CPPED1: variants seen among roughly 807,000 people sequenced by gnomAD.
The protein encoded by CPPED1 is serine/threonine-protein phosphatase CPPED1.
In CPPED1, 28 loss-of-function variants were observed where a neutral mutation model predicts 28.0. That is an observed-to-expected ratio of 1.00 (90% confidence interval 0.74 to 1.37). CPPED1 has a LOEUF of 1.37. Among genes scored for constraint, CPPED1 ranks in the 40% most tolerant of loss-of-function variants. The pLI is 0.00. For synonymous variants in CPPED1, 198 were observed against 180.2 expected (o/e 1.10, Z -0.79); for missense variants, 504 against 416.5 (o/e 1.21, Z -1.83).
chr16:12,777,744 T>C (rs986683577), intron 2 of CPPED1, among the ~76,000 whole-genome samples: 1 of 152,152 alleles, frequency 6.6e-6, no homozygotes, highest in African/African-American at 2.4e-5. Context: ...CCTGGTCTCT[T>C]GTCTCCAATA....
At chr16:12,693,554 A>C (rs188923280) in intron 3 of CPPED1, among the ~76,000 whole-genome samples, 5 of 152,284 alleles carry the variant, frequency 3.3e-5, no homozygotes, top group Admixed American at 2.0e-4. Context: ...TTTTAAGTAA[A>C]ATTTAAAAGG....
At chr16:12,692,956 C>T (rs1175385780) in intron 3 of CPPED1, among the ~76,000 whole-genome samples, 1 of 152,194 alleles carries the variant, frequency 6.6e-6, no homozygotes, top group Non-Finnish European at 1.5e-5. Flanking sequence ...GGGAATAGTA[C>T]CCTCACCTGG....
intron 2 of CPPED1, among the ~76,000 whole-genome samples, chr16:12,712,567 T>C (rs1180020462): frequency 6.6e-6 from 1 of 152,106 alleles, no homozygotes; most frequent in Non-Finnish European, 1.5e-5. Context: ...AAGGAATAGA[T>C]AATATGTATA....
chr16:12,718,008 C>T (rs1477278508), intron 2 of CPPED1, among the ~76,000 whole-genome samples: 1 of 152,248 alleles, frequency 6.6e-6, no homozygotes, highest in East Asian at 1.9e-4. Flanking sequence ...TTAACCCAGT[C>T]TGACTCCAGA....
intron 2 of CPPED1, among the ~76,000 whole-genome samples, chr16:12,764,314 G>A (rs549646477): frequency 6.6e-5 from 10 of 151,604 alleles, no homozygotes; most frequent in African/African-American, 2.2e-4. Context: ...AGCGATTCTC[G>A]TGCCTCAGCC....
chr16:12,764,812 C>G (rs2080429995), intron 2 of CPPED1, among the ~76,000 whole-genome samples: 1 of 152,168 alleles, frequency 6.6e-6, no homozygotes, highest in African/African-American at 2.4e-5. Context: ...GCCTGTCTAG[C>G]CTGTAAGTGT....
chr16:12,681,819 G>A (rs2079906382), intron 3 of CPPED1, among the ~76,000 whole-genome samples: 4 of 152,242 alleles, frequency 2.6e-5, no homozygotes, highest in African/African-American at 7.2e-5. Flanking sequence ...TCCACCCACC[G>A]CATCTGCATC....
Position 12,704,612 on chromosome 16 carries a change from C to G in CPPED1, c.715+12G>C. On this transcript the variant is annotated intron_variant, in intron 3 of 3. Coordinates refer to ENST00000381774, the MANE Select transcript of CPPED1 (RefSeq NM_018340.3). Reference sequence around the variant, plus strand: ...TCCTTCCTCCCTGAAACCCGTGGCCCGGGGCCTCTACCTGCGTGGATGAAC... The same window carrying G: ...TCCTTCCTCCCTGAAACCCGTGGCCGGGGGCCTCTACCTGCGTGGATGAAC... 6.3e-7 allele frequency: 1 copy of G among 1,597,030 alleles called. No individual in the cohort carries two copies. The highest frequency in any genetic ancestry group is 8.6e-7 in the Non-Finnish European group (1 of 1,169,250).
At chr16:12,745,455 T>C (rs11641502) in intron 2 of CPPED1, among the ~76,000 whole-genome samples, 29,040 of 152,008 alleles carry the variant, frequency 0.19, 2,889 homozygotes, top group Middle Eastern at 0.22. Context: ...ATAAAGAAAA[T>C]GTGGTCCATA....
At chr16:12,695,669 T>C (rs2079986084) in intron 3 of CPPED1, among the ~76,000 whole-genome samples, 1 of 152,236 alleles carries the variant, frequency 6.6e-6, no homozygotes, top group Non-Finnish European at 1.5e-5. Context: ...TCTCCGGTTT[T>C]GGCCAATCAC....
In CPPED1 at chr16:12,682,477, C is replaced by T. The variant is rs1165091976; in HGVS notation, c.716-17362G>A. On this transcript the variant is annotated intron_variant, in intron 3 of 3. Transcript: ENST00000381774. The surrounding 1 kb of genome is among the most constrained non-coding windows in gnomAD (Gnocchi z 6.1). ...TACTAATATTTGGTTGTCAGAAAAG[C>T]AGTGGCAGCCTGGGGTGGGAGCTAG... Among the ~76,000 whole-genome samples the T allele has an allele frequency of 6.6e-6, 1 of 152,130 alleles. No homozygotes were observed. The highest frequency in any genetic ancestry group is 2.4e-5 in the African/African-American group (1 of 41,422).
intron 2 of CPPED1, among the ~76,000 whole-genome samples, chr16:12,707,302 G>A (rs139395346): frequency 2.0e-5 from 3 of 152,214 alleles, no homozygotes; most frequent in East Asian, 1.9e-4. Flanking sequence ...TTCAATCACT[G>A]ACAATACTTC....
At chr16:12,708,607 C>G (rs9972703) in intron 2 of CPPED1, among the ~76,000 whole-genome samples, 1 of 152,104 alleles carries the variant, frequency 6.6e-6, no homozygotes, top group Non-Finnish European at 1.5e-5. Flanking sequence ...AGTTAAGAAT[C>G]TGGAAATAAA....
intron 3 of CPPED1, among the ~76,000 whole-genome samples, chr16:12,680,064 G>T (rs1331374759): frequency 6.6e-6 from 1 of 152,152 alleles, no homozygotes; most frequent in East Asian, 1.9e-4. Flanking sequence ...TGTTCACAAT[G>T]CAGTTCTGCC....
chr16:12,686,305 G>A (rs1418474361), intron 3 of CPPED1, among the ~76,000 whole-genome samples: 1 of 151,790 alleles, frequency 6.6e-6, no homozygotes, highest in Non-Finnish European at 1.5e-5. Flanking sequence ...CTGGGCTCAA[G>A]TGATCTTCCT....
intron 3 of CPPED1, among the ~76,000 whole-genome samples, chr16:12,681,433 A>G (rs928122529): frequency 4.6e-5 from 7 of 152,106 alleles, no homozygotes; most frequent in African/African-American, 1.4e-4. Context: ...CAGAACTGTA[A>G]AAAATCAATC....
intron 2 of CPPED1, among the ~76,000 whole-genome samples, chr16:12,774,761 A>G (rs1417814034): frequency 6.6e-6 from 1 of 152,090 alleles, no homozygotes; most frequent in African/African-American, 2.4e-5. Context: ...TAATGAATGA[A>G]TGAGTTAGTG....
intron 1 of CPPED1, among the ~76,000 whole-genome samples, chr16:12,794,732 C>T (rs2080616825): frequency 6.6e-6 from 1 of 152,180 alleles, no homozygotes; most frequent in Non-Finnish European, 1.5e-5. Context: ...GAGCATTTTG[C>T]AATAGGGATG....
intron 2 of CPPED1, among the ~76,000 whole-genome samples, chr16:12,769,616 A>G (rs2141231792): frequency 6.6e-6 from 1 of 152,314 alleles, no homozygotes; most frequent in South Asian, 2.1e-4. Flanking sequence ...CCTCAGCAGA[A>G]GGGCGGCATT....
Sources: gnomAD v4.1 joint callset for allele counts (sites outside exome capture counted in the v4.1 genomes callset) on GRCh38, gnomAD v4.1.1 for gene constraint, Gnocchi (gnomAD v3.1) non-coding constraint, MANE v1.5 for transcripts, NCBI Gene and HGNC (gene_info 2026-07-23, HGNC 2026-07-21) for gene names.